Variants in VPS53 observed in about 807,000 individuals in gnomAD.
VPS53 encodes VPS53 subunit of GARP complex.
In VPS53, 70 loss-of-function variants were observed where a neutral mutation model predicts 107.0. That is an observed-to-expected ratio of 0.65 (90% CI 0.54 to 0.80). The LOEUF is 0.80. VPS53 is among the 30% of genes least tolerant of loss of function. The pLI is 0.00. For missense variants in VPS53, 917 were observed against 1,049.4 expected (o/e 0.87, Z 1.74); for synonymous variants, 409 against 393.3 (o/e 1.04, Z -0.47).
Position 519,169 on chromosome 17 carries a change from G to A in VPS53, c.2458C>T (p.Arg820Cys), listed in dbSNP as rs561656938. 5.2e-6 allele frequency: 8 copies of A among 1,545,418 alleles called. No individual in the cohort carries two copies. Among genetic ancestry groups the A allele is most frequent in the Admixed American group, 2.0e-5 (1 of 49,236 alleles). The change falls in exon 22 of 22, where the codon CGC becomes TGC. Residue 820 changes from arginine (R) to cysteine (C), a missense_variant. Coordinates refer to ENST00000437048, the MANE Select transcript of VPS53 (RefSeq NM_001128159.3). This position sits in a 1 kb window ranked among gnomAD's most constrained non-coding sequence, Gnocchi z 5.0. ...ATGAGTTTCTCGAGCTTGCGGATGC[G>A]TGACGACTCTTGCTCTGGTGTTGGC... is the stretch of plus-strand genomic sequence containing the variant. ...TAPTPEQESS[R>C]IRKLEKLIKK...
intron 4 of VPS53, among the ~76,000 whole-genome samples, chr17:681,896 C>G (rs984125931): frequency 1.3e-5 from 2 of 152,154 alleles, no homozygotes; most frequent in Non-Finnish European, 2.9e-5. Context: ...GGGCAGACCC[C>G]TTGTGACTCA....
intron 3 of VPS53, among the ~76,000 whole-genome samples, chr17:698,577 C>G (rs913285907): frequency 1.3e-5 from 2 of 151,986 alleles, no homozygotes; most frequent in Non-Finnish European, 2.9e-5. Flanking sequence ...TGGTGGTGCG[C>G]CTGTAGTCCC....
chr17:615,946 C>T (rs1969115752), intron 11 of VPS53: 1 of 152,218 alleles, frequency 6.6e-6, no homozygotes, highest in Admixed American at 6.5e-5. Flanking sequence ...CTGAGGGTCG[C>T]AGAATAAAGG....
intron 2 of VPS53, among the ~76,000 whole-genome samples, chr17:706,318 C>T (rs1410182689): frequency 6.6e-6 from 1 of 152,014 alleles, no homozygotes; most frequent in African/African-American, 2.4e-5. Flanking sequence ...GTGGGCAGAT[C>T]ACAAGGTCAA....
intron 13 of VPS53, among the ~76,000 whole-genome samples, chr17:578,524 G>T (rs953620140): frequency 6.7e-6 from 1 of 148,610 alleles, no homozygotes; most frequent in Non-Finnish European, 1.5e-5. Flanking sequence ...AGAACCTAAT[G>T]CGTTCCCAGA....
At chr17:666,229 A>G (rs1431676420) in intron 4 of VPS53, among the ~76,000 whole-genome samples, 4 of 152,224 alleles carry the variant, frequency 2.6e-5, no homozygotes, top group Non-Finnish European at 5.9e-5. Context: ...AATATTCAGA[A>G]GTCTAAAATA....
rs1435983719 is a variant in VPS53 at position 634,807 on chromosome 17, T to C, written c.609-3179A>G. Among the ~76,000 whole-genome samples the C allele has an allele frequency of 2.6e-5, 4 of 151,934 alleles. No homozygotes were observed. In the East Asian group the frequency reaches 7.7e-4, roughly 29 times the overall value. The stretch of plus-strand genomic sequence containing the variant: ...ATCCAGTCTATCATTGATGGACATT[T>C]GGGTTGGTTCCAAGTCTTTGCTATT... On this transcript the variant is annotated intron_variant, in intron 7 of 21. Transcript: ENST00000437048.
chr17:622,305 T>C (rs1567683322), intron 11 of VPS53, among the ~76,000 whole-genome samples: 1 of 152,138 alleles, frequency 6.6e-6, no homozygotes. Flanking sequence ...TACAGCAGAA[T>C]CGGGATTAGA....
rs533121494 is a variant in VPS53 at position 515,614 on chromosome 17, C to T, written c.*3514G>A. The T allele has an allele frequency of 6.6e-6, 1 of 152,314 alleles. No individual in the cohort carries two copies. Among genetic ancestry groups the T allele is most frequent in the Admixed American group, 6.5e-5 (1 of 15,298 alleles). The allele number at this position is 152,314 out of a possible 1,614,324, so 9.4% of individuals were successfully genotyped here. ...GCTCAAGCAATCTTCCCACCTCAGC[C>T]TCTCAAAGCACTGGCATTACAGGTG... is the stretch of plus-strand genomic sequence containing the variant. On this transcript the variant is annotated 3_prime_UTR_variant, in exon 22 of 22. Coordinates refer to ENST00000437048, the MANE Select transcript of VPS53 (RefSeq NM_001128159.3).
At chr17:683,454 A>C (rs1478224831) in intron 4 of VPS53, among the ~76,000 whole-genome samples, 1 of 152,208 alleles carries the variant, frequency 6.6e-6, no homozygotes, top group African/African-American at 2.4e-5. Flanking sequence ...CAAAATTAAA[A>C]CTTTTCAAGC....
chr17:642,043 A>C (rs1970441865), intron 7 of VPS53, among the ~76,000 whole-genome samples: 1 of 152,212 alleles, frequency 6.6e-6, no homozygotes, highest in South Asian at 2.1e-4. Flanking sequence ...CAAATTATGA[A>C]CATTGTTCAG....
intron 16 of VPS53, among the ~76,000 whole-genome samples, chr17:552,328 G>A (rs898076795): frequency 3.1e-5 from 4 of 130,022 alleles, no homozygotes; most frequent in Admixed American, 2.2e-4. Context: ...AGTGGTTGAT[G>A]TGAAAGCTGA....
intron 17 of VPS53, among the ~76,000 whole-genome samples, chr17:551,268 T>G (rs889894028): frequency 1.1e-4 from 17 of 151,786 alleles, no homozygotes; most frequent in Non-Finnish European, 2.2e-4. Context: ...GCTCAGTAAT[T>G]AAAAATGATC....
At chr17:701,649 T>A (rs1316770367) in intron 2 of VPS53, among the ~76,000 whole-genome samples, 2 of 152,148 alleles carry the variant, frequency 1.3e-5, no homozygotes, top group Non-Finnish European at 2.9e-5. Flanking sequence ...GTGCTAGGAT[T>A]ACAGGTATGA....
chr17:600,348 C>G (rs1258542215), intron 12 of VPS53, among the ~76,000 whole-genome samples: 1 of 152,238 alleles, frequency 6.6e-6, no homozygotes, highest in Non-Finnish European at 1.5e-5. Flanking sequence ...GCAAAGCATG[C>G]TCACAGGGCA....
At chr17:554,209 G>A (rs1912128659) in intron 15 of VPS53, among the ~76,000 whole-genome samples, 1 of 152,112 alleles carries the variant, frequency 6.6e-6, no homozygotes, top group Non-Finnish European at 1.5e-5. Context: ...TAAGGCATTG[G>A]GGATACAGTG....
chr17:534,191 AAT>A (rs1909839275), intron 18 of VPS53, among the ~76,000 whole-genome samples: 1 of 152,188 alleles, frequency 6.6e-6, no homozygotes, highest in Non-Finnish European at 1.5e-5. Flanking sequence ...CCAGGAAGTT[AAT>A]ATGTGACTTC....
chr17:686,015 A>G (rs1190087287), intron 4 of VPS53, among the ~76,000 whole-genome samples: 1 of 151,950 alleles, frequency 6.6e-6, no homozygotes, highest in Non-Finnish European at 1.5e-5. Flanking sequence ...TCTAAAAAAA[A>G]AAACAGAGAG....
intron 17 of VPS53, among the ~76,000 whole-genome samples, chr17:541,283 T>A (rs1313478090): frequency 6.6e-6 from 1 of 152,156 alleles, no homozygotes; most frequent in East Asian, 1.9e-4. Context: ...GCACTGAGCA[T>A]CAGGTGGAGA....
Sources: allele counts gnomAD v4.1 joint callset (sites outside exome capture counted in the v4.1 genomes callset), GRCh38; gene constraint gnomAD v4.1.1; non-coding constraint Gnocchi (gnomAD v3.1); transcripts MANE v1.5; gene names NCBI Gene and HGNC (gene_info 2026-07-23, HGNC 2026-07-21).